Variants in ADAMTS19 observed in about 807,000 individuals in gnomAD.
ADAMTS19 encodes ADAM metallopeptidase with thrombospondin type 1 motif 19.
Under a neutral mutation model 153.3 loss-of-function variants are expected in ADAMTS19, and 93 were observed. The ratio of observed to expected loss-of-function variants is 0.61; its 90% CI spans 0.51 to 0.72. ADAMTS19 has a LOEUF of 0.72. Ranked by LOEUF, ADAMTS19 falls within the 30% of genes least tolerant of loss-of-function variation. The pLI is 0.00. For missense variants in ADAMTS19, 1,482 were observed against 1,552.1 expected, an observed-to-expected ratio of 0.95 and a Z score of 0.76; for synonymous variants, 600 against 556.6, an observed-to-expected ratio of 1.08 and a Z score of -1.10.
chr5:129,580,797 T>A (rs1369795720), intron 7 of ADAMTS19, among the ~76,000 whole-genome samples: 1 of 152,156 alleles, frequency 6.6e-6, no homozygotes, highest in Non-Finnish European at 1.5e-5. Context: ...TTGATCGTGG[T>A]GGGTAAGCTT....
At chr5:129,688,367 T>G (rs1041235937) in intron 18 of ADAMTS19, among the ~76,000 whole-genome samples, 1 of 152,148 alleles carries the variant, frequency 6.6e-6, no homozygotes, top group Non-Finnish European at 1.5e-5. Flanking sequence ...GTATAAGATG[T>G]TATTTTTCTA....
chr5:129,524,695 A>G (rs1425202906), intron 3 of ADAMTS19, among the ~76,000 whole-genome samples: 1 of 151,740 alleles, frequency 6.6e-6, no homozygotes, highest in Non-Finnish European at 1.5e-5. Flanking sequence ...GTGAAGTGGC[A>G]CAGCACATGT....
chr5:129,635,575 A>G (rs1426343228), intron 10 of ADAMTS19, among the ~76,000 whole-genome samples: 3 of 152,240 alleles, frequency 2.0e-5, no homozygotes, highest in Non-Finnish European at 4.4e-5. Context: ...CTATGCAGCC[A>G]TAAAAAATGA....
At chr5:129,727,647 C>T (rs1757261649) in intron 21 of ADAMTS19, among the ~76,000 whole-genome samples, 2 of 152,126 alleles carry the variant, frequency 1.3e-5, no homozygotes, top group African/African-American at 4.8e-5. Flanking sequence ...AGACAGTAGA[C>T]AGTTTGTGAA....
intron 8 of ADAMTS19, among the ~76,000 whole-genome samples, chr5:129,603,394 G>A (rs1168229304): frequency 6.6e-6 from 1 of 152,092 alleles, no homozygotes; most frequent in Non-Finnish European, 1.5e-5. Context: ...TTGTTCTTTT[G>A]TACAAATATT....
intron 7 of ADAMTS19, among the ~76,000 whole-genome samples, chr5:129,579,308 G>A (rs921245107): frequency 7.9e-5 from 12 of 152,030 alleles, no homozygotes; most frequent in Admixed American, 6.5e-4. Context: ...TTGTAAATTT[G>A]ATTAAGTTCT....
chr5:129,723,249 A>T (rs529454374), intron 21 of ADAMTS19, among the ~76,000 whole-genome samples: 1 of 152,284 alleles, frequency 6.6e-6, no homozygotes, highest in South Asian at 2.1e-4. Context: ...AACATTGCTT[A>T]TACTTCCCCC....
Position 129,701,611 on chromosome 5 carries a change from TC to T in ADAMTS19, c.3159+20del, listed in dbSNP as rs1395626477. ...GTCTGAGGTGCATACATGCCCCCTT[TC>T]TTTCCCCATTCCTACTCTGACTCCT... is the stretch of plus-strand genomic sequence containing the variant. On this transcript the variant is annotated intron_variant, in intron 20 of 22. Transcript: ENST00000274487. 1 of 1,612,182 alleles carries T rather than the reference TC, an allele frequency of 6.2e-7. No individual in the cohort carries two copies. Among genetic ancestry groups the T allele is most frequent in the Admixed American group, 1.7e-5 (1 of 59,946 alleles).
intron 7 of ADAMTS19, among the ~76,000 whole-genome samples, chr5:129,587,078 C>T (rs1259900725): frequency 6.6e-6 from 1 of 151,738 alleles, no homozygotes; most frequent in Non-Finnish European, 1.5e-5. Flanking sequence ...ATCCAGGAAA[C>T]TATTTATCTC....
chr5:129,579,992 T>G (rs1749429578), intron 7 of ADAMTS19, among the ~76,000 whole-genome samples: 1 of 152,226 alleles, frequency 6.6e-6, no homozygotes, highest in Non-Finnish European at 1.5e-5. Flanking sequence ...GGTAGCTTGA[T>G]GGGGATAGCA....
chr5:129,648,621 A>C (rs947466979), intron 12 of ADAMTS19, among the ~76,000 whole-genome samples, 177 bp from the exon 13 acceptor site: 2 of 152,154 alleles, frequency 1.3e-5, no homozygotes, highest in African/African-American at 4.8e-5. Flanking sequence ...TAGAAAATAT[A>C]TATAGTTAAA....
At chr5:129,664,178 C>G (rs1245590493) in intron 15 of ADAMTS19, among the ~76,000 whole-genome samples, 1 of 152,098 alleles carries the variant, frequency 6.6e-6, no homozygotes, top group East Asian at 1.9e-4. Context: ...TGGTTTATAA[C>G]CTTCAGCAGA....
At chr5:129,599,716 A>G (rs896130758) in intron 8 of ADAMTS19, among the ~76,000 whole-genome samples, 27 of 152,160 alleles carry the variant, frequency 1.8e-4, no homozygotes, top group African/African-American at 6.5e-4. Context: ...CTTCAGTTTT[A>G]TGTAGTAGAA....
intron 2 of ADAMTS19, among the ~76,000 whole-genome samples, chr5:129,462,609 G>C (rs929529849): frequency 1.3e-5 from 2 of 149,836 alleles, no homozygotes; most frequent in Non-Finnish European, 3.0e-5. Context: ...TTGTGTGTGT[G>C]TGTGTGTGGG....
chr5:129,647,238 TAAAGG>T (rs1366391168), intron 11 of ADAMTS19, among the ~76,000 whole-genome samples: 1 of 132,420 alleles, frequency 7.6e-6, no homozygotes, highest in Non-Finnish European at 1.6e-5. Context: ...AAAAAAAGCA[TAAAGG>T]AAAGTGCTAA....
intron 8 of ADAMTS19, among the ~76,000 whole-genome samples, chr5:129,616,348 A>G (rs934825485): frequency 6.6e-6 from 1 of 152,032 alleles, no homozygotes; most frequent in African/African-American, 2.4e-5. Flanking sequence ...TTTCCACATA[A>G]TATATGGCTT....
At chr5:129,562,375 A>C (rs2126845485) in intron 7 of ADAMTS19, among the ~76,000 whole-genome samples, 1 of 152,324 alleles carries the variant, frequency 6.6e-6, no homozygotes, top group African/African-American at 2.4e-5. Context: ...CCTGGGAGTA[A>C]GCGGCAGTGA....
intron 15 of ADAMTS19, among the ~76,000 whole-genome samples, chr5:129,663,317 G>A (rs74822427): frequency 0.037 from 5,569 of 152,148 alleles, 314 homozygotes; most frequent in African/African-American, 0.13. Flanking sequence ...CCTTAACTTG[G>A]TGATTCTGCA....
intron 7 of ADAMTS19, 105 bp from the exon 8 acceptor site, chr5:129,596,446 AATACTGAC>A: frequency 1.4e-6 from 1 of 724,318 alleles, no homozygotes. Flanking sequence ...TTCACAGATT[AATACTGAC>A]ATTTTAGTCG....
Sources: gnomAD v4.1 joint callset for allele counts (sites outside exome capture counted in the v4.1 genomes callset) on GRCh38, gnomAD v4.1.1 for gene constraint, MANE v1.5 for transcripts, NCBI Gene and HGNC (gene_info 2026-07-23, HGNC 2026-07-21) for gene names.